Variants in GPATCH2L observed in about 807,000 individuals in gnomAD.
GPATCH2L encodes G-patch domain containing 2 like.
GPATCH2L carries 31 observed loss-of-function variants against 57.4 expected under a neutral mutation model. The ratio of observed to expected loss-of-function variants is 0.54; its 90% CI spans 0.41 to 0.73. The LOEUF is 0.73. Ranked by LOEUF, GPATCH2L falls within the 30% of genes least tolerant of loss-of-function variation. GPATCH2L has a pLI of 0.00. For synonymous variants in GPATCH2L, 199 were observed against 210.7 expected (o/e 0.94, Z 0.48); for missense variants, 481 against 599.9 (o/e 0.80, Z 2.07).
At chr14:76,179,251 G>C (rs966601199) in intron 7 of GPATCH2L, 1 of 152,174 alleles carries the variant, frequency 6.6e-6, no homozygotes, top group South Asian at 2.1e-4. Context: ...ATGTATTATA[G>C]TGTACATTGG....
intron 5 of GPATCH2L, 148 bp from the exon 6 acceptor site, chr14:76,176,475 T>A: frequency 1.6e-6 from 1 of 625,084 alleles, no homozygotes; most frequent in Admixed American, 2.7e-5. Flanking sequence ...TAAAAAGAAG[T>A]ATAGTTGCTG....
At chr14:76,181,670 G>A (rs1200915361) in intron 8 of GPATCH2L, among the ~76,000 whole-genome samples, 1 of 152,116 alleles carries the variant, frequency 6.6e-6, no homozygotes, top group Non-Finnish European at 1.5e-5. Flanking sequence ...TTAGTCAAAC[G>A]AGTGACTCCT....
intron 8 of GPATCH2L, among the ~76,000 whole-genome samples, chr14:76,182,674 GATGTTTATTC>G (rs1369173498): frequency 6.6e-6 from 1 of 151,716 alleles, no homozygotes; most frequent in Non-Finnish European, 1.5e-5. Flanking sequence ...TCAGTAGCAT[GATGTTTATTC>G]ATCATTAATT....
intron 1 of GPATCH2L, among the ~76,000 whole-genome samples, chr14:76,219,569 A>G (rs574067410): frequency 6.6e-6 from 1 of 152,192 alleles, no homozygotes; most frequent in African/African-American, 2.4e-5. Flanking sequence ...GTATCTATAC[A>G]TGTGAAATAA....
intron 1 of GPATCH2L, among the ~76,000 whole-genome samples, chr14:76,222,639 T>C (rs2040520175): frequency 6.7e-6 from 1 of 150,332 alleles, no homozygotes; most frequent in South Asian, 2.1e-4. Flanking sequence ...AATAGAAAAT[T>C]TGAATTGTTT....
At chr14:76,176,365 A>G in intron 5 of GPATCH2L, 2 of 482,040 alleles carry the variant, frequency 4.1e-6, no homozygotes, top group Non-Finnish European at 7.4e-6. Flanking sequence ...AAAATACCAT[A>G]TATGGTGAAC....
At position 76,154,016 on chromosome 14, in the gene GPATCH2L, G is replaced by A. The variant is rs930198521; in HGVS notation, c.-10-338G>A. On this transcript the variant is annotated intron_variant, in intron 1 of 9. Coordinates refer to ENST00000261530, the MANE Select transcript of GPATCH2L (RefSeq NM_017926.4). This position sits in a 1 kb window ranked among gnomAD's most constrained non-coding sequence, Gnocchi z 4.4. Reference sequence around the variant, plus strand: ...TCATCATTAGGTAATTCAATGACAAGTTTAATTGGGGAAAAGAGAGAAGGA... The same window carrying A: ...TCATCATTAGGTAATTCAATGACAAATTTAATTGGGGAAAAGAGAGAAGGA... 22 of 190,524 alleles carry A rather than the reference G, an allele frequency of 1.2e-4. No individual in the cohort carries two copies. The highest frequency in any genetic ancestry group is 8.8e-4 in the Admixed American group (16 of 18,166). 11.8% of individuals were successfully genotyped at this position (190,524 alleles called of 1,614,324 possible).
chr14:76,210,236 T>A lies in GPATCH2L; in HGVS notation c.*8385T>A, dbSNP rs1316451925. On this transcript the variant is annotated 3_prime_UTR_variant, in exon 10 of 10. Coordinates refer to ENST00000261530, the MANE Select transcript of GPATCH2L (RefSeq NM_017926.4). Reference sequence around the variant, plus strand: ...CAACAACTCTAAAGGTAGGTACTTTTATCTCCATTTTAAAACAATGAAATA... The same window carrying A: ...CAACAACTCTAAAGGTAGGTACTTTAATCTCCATTTTAAAACAATGAAATA... The A allele has an allele frequency of 3.9e-5, 6 of 152,214 alleles. No homozygotes were observed. Among genetic ancestry groups the A allele is most frequent in the Non-Finnish European group, 5.9e-5 (4 of 68,030 alleles). The allele number at this position is 152,214 out of a possible 1,614,324, so 9.4% of individuals were successfully genotyped here.
intron 6 of GPATCH2L, 144 bp from the exon 7 acceptor site, chr14:76,177,844 T>G (rs759769682): frequency 8.3e-7 from 1 of 1,202,398 alleles, no homozygotes; most frequent in Non-Finnish European, 1.2e-6. Context: ...AATTTTCCTA[T>G]CACTTCTTTT....
chr14:76,166,621 A>T (rs754857308), intron 2 of GPATCH2L, 42 bp from the exon 3 acceptor site: 4 of 1,390,326 alleles, frequency 2.9e-6, no homozygotes, highest in Non-Finnish European at 4.1e-6. Flanking sequence ...TTTGTTTTTG[A>T]CTGGAGCTGA....
At position 76,213,125 on chromosome 14, in the gene GPATCH2L, A is replaced by G. The variant is rs993113790; in HGVS notation, c.*11274A>G. On this transcript the variant is annotated 3_prime_UTR_variant, in exon 10 of 10. Coordinates refer to ENST00000261530, the MANE Select transcript of GPATCH2L (RefSeq NM_017926.4). Reference sequence around the variant, plus strand: ...AAAAGAATCAAGAAAAATTAATTAGAAAAATGAGGAAACAAAGCTAATTTT... The same window carrying G: ...AAAAGAATCAAGAAAAATTAATTAGGAAAATGAGGAAACAAAGCTAATTTT... The G allele has an allele frequency of 5.3e-5, 8 of 152,162 alleles. No individual in the cohort carries two copies. The highest frequency in any genetic ancestry group is 1.2e-4 in the Non-Finnish European group (8 of 68,024). 9.4% of individuals were successfully genotyped at this position (152,162 alleles called of 1,614,324 possible).
intron 2 of GPATCH2L, among the ~76,000 whole-genome samples, chr14:76,159,395 T>A (rs1465769260): frequency 6.6e-6 from 1 of 152,216 alleles, no homozygotes; most frequent in Admixed American, 6.5e-5. Flanking sequence ...CTCTTGGTAT[T>A]TGCCAGCAAG....
intron 2 of GPATCH2L, among the ~76,000 whole-genome samples, chr14:76,233,367 G>A (rs1309987601): frequency 6.6e-6 from 1 of 152,194 alleles, no homozygotes; most frequent in African/African-American, 2.4e-5. Context: ...CAATTTGATA[G>A]ATACAAAGTG....
At chr14:76,176,413 TGG>T (rs745418875) in intron 5 of GPATCH2L, 27 of 562,818 alleles carry the variant, frequency 4.8e-5, no homozygotes, top group Admixed American at 1.3e-4. Flanking sequence ...TTTGGATCAC[TGG>T]AGAATAATAA....
rs774565046 is a variant in GPATCH2L at position 76,201,831 on chromosome 14, A to G, written c.1429A>G (p.Lys477Glu). The G allele has an allele frequency of 5.6e-6, 9 of 1,614,010 alleles. No homozygotes were observed. The highest frequency in any genetic ancestry group is 1.1e-5 in the South Asian group (1 of 91,074). The change falls in exon 10 of 10, where the codon AAG (lysine) becomes GAG (glutamate). Residue 477 changes from lysine to glutamate, a missense_variant. Lys to Glu is a moderately conservative substitution (Grantham distance 56, BLOSUM62 1). Around this residue, in one of 3 missense-constraint regions of GPATCH2L, gnomAD observed 248 missense variants for 270.5 expected, o/e 0.92. Transcript: ENST00000261530. ...TACATTTTTTAAAATGCCACAAGAAAAGAGCCCTGGATACAGCTAGAGAGC... is the reference window on the plus strand; with the variant it reads ...TACATTTTTTAAAATGCCACAAGAAGAGAGCCCTGGATACAGCTAGAGAGC... ...TATFFKMPQE[K>E]SPGYS is the part of the protein sequence containing the mutation.
At chr14:76,155,898 G>A (rs2121068) in intron 2 of GPATCH2L, among the ~76,000 whole-genome samples, 31,230 of 152,054 alleles carry the variant, frequency 0.21, 3,554 homozygotes, top group African/African-American at 0.3. Context: ...TCAACCCAAA[G>A]GCCTCCAGGG....
intron 2 of GPATCH2L, among the ~76,000 whole-genome samples, chr14:76,156,299 A>G (rs2038303680): frequency 6.6e-6 from 1 of 152,250 alleles, no homozygotes; most frequent in Admixed American, 6.5e-5. Flanking sequence ...AATCTTAGGA[A>G]CACTGAGGTG....
At chr14:76,173,451 AAG>A in intron 4 of GPATCH2L, 93 bp from the exon 5 acceptor site, 1 of 717,274 alleles carries the variant, frequency 1.4e-6, no homozygotes, top group Non-Finnish European at 2.4e-6. Context: ...TCAATCTATT[AAG>A]ATCCTGGGGG....
rs1387148815 is a variant in GPATCH2L at position 76,203,129 on chromosome 14, C to T, written c.*1278C>T. ...ATAGGTGCTGAATGGGGCAGCACCT[C>T]CTTCCCCCAAAGTGCGATTGCCCCT... is the stretch of plus-strand genomic sequence containing the variant. On this transcript the variant is annotated 3_prime_UTR_variant, in exon 10 of 10. Coordinates refer to ENST00000261530, the MANE Select transcript of GPATCH2L (RefSeq NM_017926.4). 2.0e-5 allele frequency: 3 copies of T among 152,190 alleles called. No individual in the cohort carries two copies. Among genetic ancestry groups the T allele is most frequent in the Non-Finnish European group, 4.4e-5 (3 of 68,056 alleles). The allele number at this position is 152,190 out of a possible 1,614,324, so 9.4% of individuals were successfully genotyped here.
Sources: gnomAD v4.1 joint callset for allele counts (sites outside exome capture counted in the v4.1 genomes callset) on GRCh38, gnomAD v4.1.1 for gene constraint, gnomAD v4.1.1 regional missense constraint, Gnocchi (gnomAD v3.1) non-coding constraint, MANE v1.5 for transcripts, NCBI Gene and HGNC (gene_info 2026-07-23, HGNC 2026-07-21) for gene names.